The following TSHZ3 variants were observed in gnomAD, a reference collection of about 807,000 sequenced individuals.
The protein encoded by TSHZ3 is teashirt zinc finger homeobox 3.
In TSHZ3, 10 loss-of-function variants were observed where a neutral mutation model predicts 64.5. That is an observed-to-expected ratio of 0.16 (90% confidence interval 0.10 to 0.26). TSHZ3 has a LOEUF of 0.26. Ranked by LOEUF, TSHZ3 falls within the 10% of genes least tolerant of loss-of-function variation. The probability of loss-of-function intolerance (pLI) is 1.00; values close to 1 mark genes in which losing one functional copy is unlikely to be tolerated. For synonymous variants in TSHZ3, 608 were observed against 593.1 expected, an observed-to-expected ratio of 1.03 and a Z score of -0.36; for missense variants, 1,242 against 1,421.7, an observed-to-expected ratio of 0.87 and a Z score of 2.03.
Position 31,277,022 on chromosome 19 carries a change from A to G in TSHZ3, c.2771T>C (p.Met924Thr). The change falls in exon 2 of 2, where the codon ATG (methionine) becomes ACG (threonine). Residue 924 changes from methionine to threonine, a missense_variant. This residue lies in a region of TSHZ3 where 550 missense variants were observed against 545.1 expected (regional missense o/e 1.01). Coordinates refer to ENST00000240587, the MANE Select transcript of TSHZ3 (RefSeq NM_020856.4). The surrounding 1 kb of genome is among the most constrained non-coding windows in gnomAD (Gnocchi z 4.5). The stretch of plus-strand genomic sequence containing the variant: ...CCGCTCCTGGGGGCTCAGGTCTGAC[A>G]TGATGTACTTCCCTTCTGAGGTCTG... ...LRQTSEGKYI[M>T]SDLSPQERMH... The G allele has an allele frequency of 6.2e-7, 1 of 1,612,046 alleles. No homozygotes were observed. The highest frequency in any genetic ancestry group is 1.1e-5 in the South Asian group (1 of 90,864).
chr19:31,291,776 T>C (rs1976569709), intron 1 of TSHZ3, among the ~76,000 whole-genome samples: 1 of 152,202 alleles, frequency 6.6e-6, no homozygotes, highest in East Asian at 1.9e-4. Flanking sequence ...GGGGAGTCCA[T>C]ACACTCACTC....
At chr19:31,338,056 T>G (rs1917305473) in intron 1 of TSHZ3, among the ~76,000 whole-genome samples, 1 of 152,236 alleles carries the variant, frequency 6.6e-6, no homozygotes. Flanking sequence ...CAATTAAATT[T>G]GCACTATCGG....
At chr19:31,307,761 C>T (rs75981480) in intron 1 of TSHZ3, among the ~76,000 whole-genome samples, 8,666 of 152,270 alleles carry the variant, frequency 0.057, 354 homozygotes, top group Non-Finnish European at 0.088. Context: ...CTTCCTTAGG[C>T]GGGCCTTTAA....
intron 5 of TSHZ3, among the ~76,000 whole-genome samples, chr19:31,169,949 C>T (rs1974513581): frequency 6.6e-6 from 1 of 152,158 alleles, no homozygotes; most frequent in Non-Finnish European, 1.5e-5. Context: ...TGGGTTCTGG[C>T]ATCTTGGCCA....
rs770801450 is a variant in TSHZ3 at position 31,278,575 on chromosome 19, C to T, written c.1218G>A (p.Met406Ile). Residue 406 changes from methionine (M) to isoleucine (I), a missense_variant, in exon 2 of 2, where the codon ATG becomes ATA. This residue lies in a region of TSHZ3 where 555 missense variants were observed against 704.0 expected (regional missense o/e 0.79). Transcript: ENST00000240587. This position sits in a 1 kb window ranked among gnomAD's most constrained non-coding sequence, Gnocchi z 4.7. ...DTLQELTAHM[M>I]VTGHFIKVTN... is the part of the protein sequence containing the mutation. ...TGACCTTGATGAAGTGGCCAGTGACCATCATGTGGGCAGTGAGCTCCTGCA... is the reference window on the plus strand; with the variant it reads ...TGACCTTGATGAAGTGGCCAGTGACTATCATGTGGGCAGTGAGCTCCTGCA... 3.1e-6 allele frequency: 5 copies of T among 1,614,030 alleles called. No homozygotes were observed. The highest frequency in any genetic ancestry group is 4.2e-6 in the Non-Finnish European group (5 of 1,180,034).
At chr19:31,176,677 C>T (rs540037691) in intron 5 of TSHZ3, among the ~76,000 whole-genome samples, 1 of 152,152 alleles carries the variant, frequency 6.6e-6, no homozygotes, top group South Asian at 2.1e-4. Flanking sequence ...ATAGTCCCAG[C>T]TCCTAGGGAG....
chr19:31,214,962 C>A (rs547378085), intron 4 of TSHZ3, among the ~76,000 whole-genome samples: 1 of 147,578 alleles, frequency 6.8e-6, no homozygotes, highest in Non-Finnish European at 1.5e-5. Context: ...CATCCATAGA[C>A]CATTCCCTCT....
chr19:31,206,870 A>C (rs1282333232), intron 4 of TSHZ3, among the ~76,000 whole-genome samples: 1 of 152,226 alleles, frequency 6.6e-6, no homozygotes, highest in Non-Finnish European at 1.5e-5. Context: ...CAGGGGCCTG[A>C]AGGCAGGTAA....
At chr19:31,251,394 AC>A (rs1340620051) in intron 1 of TSHZ3, among the ~76,000 whole-genome samples, 6 of 151,976 alleles carry the variant, frequency 3.9e-5, no homozygotes, top group African/African-American at 1.5e-4. Context: ...CTAATTCCAA[AC>A]CAGTTGTTCC....
chr19:31,216,106 G>GA (rs1449837641), intron 4 of TSHZ3, among the ~76,000 whole-genome samples: 1 of 151,820 alleles, frequency 6.6e-6, no homozygotes, highest in African/African-American at 2.4e-5. Context: ...ATGTATACAA[G>GA]AAACATCAAA....
intron 1 of TSHZ3, among the ~76,000 whole-genome samples, chr19:31,340,696 T>G (rs1265538116): frequency 1.3e-5 from 2 of 152,160 alleles, no homozygotes; most frequent in African/African-American, 2.4e-5. Flanking sequence ...AAAACCAGTC[T>G]AGGAGTCACT....
chr19:31,277,131 C>G lies in TSHZ3; in HGVS notation c.2662G>C (p.Ala888Pro), dbSNP rs547631684. ...GACTGGCGGCCCTTCCTCTTCTGGG[C>G]GGGCGTCGACTCCTCAGCCTCCTCC... is the stretch of plus-strand genomic sequence containing the variant. ...TLEEAEESTPAQKRKGRQSNW... is the reference protein window; with the variant it reads ...TLEEAEESTPPQKRKGRQSNW... Residue 888 changes from alanine (A) to proline (P), a missense_variant, in exon 2 of 2, where the codon GCC (alanine) becomes CCC (proline). Physicochemically the swap from Ala to Pro is conservative, Grantham distance 27 (BLOSUM62 -1). Coordinates refer to ENST00000240587, the MANE Select transcript of TSHZ3 (RefSeq NM_020856.4). The surrounding 1 kb of genome is among the most constrained non-coding windows in gnomAD (Gnocchi z 4.5). 2 of 1,604,756 alleles carry G rather than the reference C, an allele frequency of 1.2e-6. No homozygotes were observed. Among genetic ancestry groups the G allele is most frequent in the South Asian group, 1.1e-5 (1 of 89,982 alleles).
At chr19:31,156,415 T>A (rs1974306599) in exon 6 of TSHZ3, among the ~76,000 whole-genome samples, 1 of 152,154 alleles carries the variant, frequency 6.6e-6, no homozygotes, top group Non-Finnish European at 1.5e-5. Flanking sequence ...TTCTTTGTTC[T>A]CCCTATAAAC....
chr19:31,170,762 AT>A (rs1408069348), intron 5 of TSHZ3, among the ~76,000 whole-genome samples: 1 of 152,182 alleles, frequency 6.6e-6, no homozygotes, highest in Non-Finnish European at 1.5e-5. Context: ...CAAAGTAAAT[AT>A]TTTTTTGTTG....
intron 3 of TSHZ3, among the ~76,000 whole-genome samples, chr19:31,234,999 T>C (rs897827496): frequency 3.3e-5 from 5 of 152,204 alleles, no homozygotes; most frequent in Non-Finnish European, 7.3e-5. Flanking sequence ...ATTTCTTGTA[T>C]GGGAAGTTTT....
In TSHZ3 at chr19:31,275,426, G is replaced by A. The variant is rs1976210152; in HGVS notation, c.*1121C>T. The A allele has an allele frequency of 7.1e-6, 1 of 140,134 alleles. No individual in the cohort carries two copies. Among genetic ancestry groups the A allele is most frequent in the Non-Finnish European group, 1.6e-5 (1 of 62,622 alleles). 8.7% of individuals were successfully genotyped at this position (140,134 alleles called of 1,614,324 possible). A position where few individuals can be genotyped will look rare whatever the true frequency, so the allele number is the denominator to read the frequency against. On this transcript the variant is annotated 3_prime_UTR_variant, in exon 2 of 2. Coordinates refer to ENST00000240587, the MANE Select transcript of TSHZ3 (RefSeq NM_020856.4). ...TCAATGTTTAGGAAATACAGTACAA[G>A]TTCTTTTTTTTTTTTTGTTCTTTTT...
intron 5 of TSHZ3, among the ~76,000 whole-genome samples, chr19:31,160,531 G>T (rs1039786071): frequency 2.6e-5 from 4 of 152,076 alleles, no homozygotes; most frequent in Non-Finnish European, 4.4e-5. Context: ...TAAGCTCCAC[G>T]TGTGACTAAT....
At chr19:31,300,836 A>G (rs1366574216) in intron 1 of TSHZ3, among the ~76,000 whole-genome samples, 1 of 152,162 alleles carries the variant, frequency 6.6e-6, no homozygotes, top group African/African-American at 2.4e-5. Context: ...ACCACTTACA[A>G]GATTGATAAT....
chr19:31,192,095 G>A (rs981529993), intron 5 of TSHZ3, among the ~76,000 whole-genome samples: 3 of 152,044 alleles, frequency 2.0e-5, no homozygotes, highest in Admixed American at 2.0e-4. Context: ...GAAACAAGTT[G>A]AGAATACATA....
Sources: gnomAD v4.1 joint callset for allele counts (sites outside exome capture counted in the v4.1 genomes callset) on GRCh38, gnomAD v4.1.1 for gene constraint, gnomAD v4.1.1 regional missense constraint, Gnocchi (gnomAD v3.1) non-coding constraint, MANE v1.5 for transcripts, NCBI Gene and HGNC (gene_info 2026-07-23, HGNC 2026-07-21) for gene names.